The following ADAM22 variants were observed in gnomAD, a reference collection of about 807,000 sequenced individuals.
ADAM22 encodes the protein disintegrin and metalloproteinase domain-containing protein 22.
ADAM22 carries 65 observed loss-of-function variants against 144.6 expected under a neutral mutation model. That is an observed-to-expected ratio of 0.45 (90% confidence interval 0.37 to 0.55). The LOEUF (loss-of-function observed/expected upper bound fraction) is 0.55. Among genes scored for constraint, ADAM22 ranks in the 20% least tolerant of loss-of-function variants. The pLI is 0.00. For synonymous variants in ADAM22, 391 were observed against 412.6 expected (o/e 0.95, Z 0.63); for missense variants, 974 against 1,184.9 (o/e 0.82, Z 2.61).
At chr7:88,172,030 G>A (rs1844454480) in intron 26 of ADAM22, among the ~76,000 whole-genome samples, 1 of 151,792 alleles carries the variant, frequency 6.6e-6, no homozygotes, top group Admixed American at 6.6e-5. Context: ...CAGTGTTGCT[G>A]TTGGGAATGT....
intron 31 of ADAM22, among the ~76,000 whole-genome samples, chr7:88,195,358 T>C (rs1042668193): frequency 6.6e-6 from 1 of 152,122 alleles, no homozygotes; most frequent in Non-Finnish European, 1.5e-5. Flanking sequence ...TTGCTGAACA[T>C]TGTAGAAATT....
In ADAM22 at chr7:88,193,134, G is replaced by A. The variant is rs1849971094; in HGVS notation, c.2769G>A (p.Lys923=). ...GPYFRTLSPA[K]SPSSSTGSIA... ...ATCTCAGGACTTTATCTCCTGCCAA[G>A]TCTCCTTCTTCATCAACTGGGTCTA... The change falls in exon 31 of 32, where the codon AAG becomes AAA. Residue 923 remains lysine, a synonymous_variant. Coordinates refer to ENST00000413139, the MANE Select transcript of ADAM22 (RefSeq NM_001324418.2). 1.2e-6 allele frequency: 2 copies of A among 1,614,026 alleles called. No individual in the cohort carries two copies. Among genetic ancestry groups the A allele is most frequent in the East Asian group, 2.2e-5 (1 of 44,856 alleles).
At chr7:88,183,003 T>C (rs1380938107) in intron 29 of ADAM22, among the ~76,000 whole-genome samples, 1 of 152,210 alleles carries the variant, frequency 6.6e-6, no homozygotes, top group African/African-American at 2.4e-5. Flanking sequence ...TTCCGTCATA[T>C]ACCCTGCCTT....
intron 2 of ADAM22, among the ~76,000 whole-genome samples, chr7:87,965,866 T>A (rs1420094605): frequency 6.6e-6 from 1 of 152,244 alleles, no homozygotes; most frequent in Non-Finnish European, 1.5e-5. Flanking sequence ...ATTCTGTTTT[T>A]AAAATTACCT....
intron 13 of ADAM22, 132 bp downstream of exon 13, chr7:88,134,551 C>A: frequency 1.7e-6 from 1 of 597,818 alleles, no homozygotes; most frequent in Non-Finnish European, 2.9e-6. Context: ...AAACATCCAG[C>A]GCACAAACTG....
intron 2 of ADAM22, among the ~76,000 whole-genome samples, chr7:87,941,191 G>A (rs1055563537): frequency 8.5e-5 from 13 of 152,132 alleles, no homozygotes; most frequent in African/African-American, 3.1e-4. Flanking sequence ...CTTTCCCTAG[G>A]AAGTGTTATA....
chr7:87,974,840 T>C (rs1851513614), intron 2 of ADAM22, among the ~76,000 whole-genome samples: 1 of 152,192 alleles, frequency 6.6e-6, no homozygotes, highest in Non-Finnish European at 1.5e-5. Flanking sequence ...TTGCCTTTTC[T>C]AGTTTCTAGA....
chr7:88,114,781 G>T lies in ADAM22; in HGVS notation c.537+134G>T, dbSNP rs1827339095. 5.4e-6 allele frequency: 4 copies of T among 735,838 alleles called. No homozygotes were observed. The Admixed American group carries it at 8.8e-5, about 16-fold the overall frequency. The allele number at this position is 735,838 out of a possible 1,614,324, so 45.6% of individuals were successfully genotyped here. On this transcript the variant is annotated intron_variant, in intron 6 of 31. Transcript: ENST00000413139. The stretch of plus-strand genomic sequence containing the variant: ...TAAGATAGTAAACATATGTACAGAT[G>T]CTCCTCAACTTATGATGGGTCTATG...
chr7:88,031,789 C>T (rs771183636), intron 3 of ADAM22, among the ~76,000 whole-genome samples: 17 of 152,234 alleles, frequency 1.1e-4, no homozygotes, highest in Non-Finnish European at 1.9e-4. Flanking sequence ...GCCCAGGGTC[C>T]CACTGCCCTG....
At chr7:87,947,113 A>T (rs1228989203) in intron 2 of ADAM22, among the ~76,000 whole-genome samples, 1 of 152,210 alleles carries the variant, frequency 6.6e-6, no homozygotes, top group African/African-American at 2.4e-5. Context: ...TATGCTCAGC[A>T]TCTGCGTGAT....
chr7:88,123,154 T>C (rs1192255743), intron 7 of ADAM22, among the ~76,000 whole-genome samples: 2 of 152,190 alleles, frequency 1.3e-5, no homozygotes, highest in African/African-American at 2.4e-5. Flanking sequence ...TGTGTATTAC[T>C]GGGTTTGATT....
chr7:87,982,104 CACACAT>C (rs756569806), intron 3 of ADAM22, among the ~76,000 whole-genome samples: 3,921 of 147,552 alleles, frequency 0.027, 98 homozygotes, highest in East Asian at 0.099. Context: ...CACACACACA[CACACAT>C]GCATACACAA....
chr7:88,002,318 A>G (rs1336997511), intron 3 of ADAM22, among the ~76,000 whole-genome samples: 2 of 152,034 alleles, frequency 1.3e-5, no homozygotes, highest in African/African-American at 4.8e-5. Flanking sequence ...ACTGTCTGGA[A>G]CCAGCTTCGA....
At chr7:88,143,224 C>A in intron 15 of ADAM22, 99 bp downstream of exon 15, 2 of 814,770 alleles carry the variant, frequency 2.5e-6, no homozygotes, top group African/African-American at 1.7e-5. Flanking sequence ...GAGAGCTTTT[C>A]AACTTGCCCT....
At chr7:88,168,905 T>A (rs1484882957) in intron 25 of ADAM22, among the ~76,000 whole-genome samples, 1 of 152,194 alleles carries the variant, frequency 6.6e-6, no homozygotes, top group Non-Finnish European at 1.5e-5. Flanking sequence ...AGCACATTTT[T>A]CCTCATGGAT....
At chr7:88,015,004 C>G (rs1796246328) in intron 3 of ADAM22, among the ~76,000 whole-genome samples, 1 of 152,170 alleles carries the variant, frequency 6.6e-6, no homozygotes, top group South Asian at 2.1e-4. Context: ...GCCGTATGCT[C>G]TAGTCTATGC....
chr7:87,950,473 A>AT lies in ADAM22; in HGVS notation c.246+15293dup, dbSNP rs1347543328. 3.4e-5 allele frequency among the ~76,000 whole-genome samples: 5 copies of AT among 148,418 alleles called. No individual in the cohort carries two copies. The South Asian group carries it at 6.4e-4, about 19-fold the overall frequency. ...TCCCTACAAAGGACATGAACTCATC[A>AT]TTTTTTATGGCTGCATAGTATTCCA... On this transcript the variant is annotated intron_variant, in intron 2 of 31. Coordinates refer to ENST00000413139, the MANE Select transcript of ADAM22 (RefSeq NM_001324418.2).
chr7:87,993,876 A>G (rs773559241), intron 3 of ADAM22, among the ~76,000 whole-genome samples: 2 of 152,206 alleles, frequency 1.3e-5, no homozygotes, highest in African/African-American at 2.4e-5. Flanking sequence ...AAAAAGCAAT[A>G]TATACACAGA....
chr7:88,039,611 A>T (rs535983636), intron 3 of ADAM22, among the ~76,000 whole-genome samples: 1 of 146,416 alleles, frequency 6.8e-6, no homozygotes, highest in African/African-American at 2.5e-5. Context: ...TCATGTTTGC[A>T]TGTGTGTGTG....
Sources: gnomAD v4.1 joint callset for allele counts (sites outside exome capture counted in the v4.1 genomes callset) on GRCh38, gnomAD v4.1.1 for gene constraint, MANE v1.5 for transcripts, NCBI Gene and HGNC (gene_info 2026-07-23, HGNC 2026-07-21) for gene names.